OPCML: variants seen among roughly 807,000 people sequenced by gnomAD.
OPCML encodes the protein opioid binding protein/cell adhesion molecule like, also known as opioid-binding protein/cell adhesion molecule.
In OPCML, 13 loss-of-function variants were observed where a neutral mutation model predicts 37.8. The observed-to-expected ratio is 0.34, with a 90% CI of 0.22 to 0.55. OPCML has a LOEUF of 0.55. Ranked by LOEUF, OPCML falls within the 20% of genes least tolerant of loss-of-function variation. The pLI is 0.91. For missense variants in OPCML, 341 were observed against 435.6 expected (o/e 0.78, Z 1.93); for synonymous variants, 176 against 168.8 (o/e 1.04, Z -0.33).
chr11:132,699,211 A>G (rs1943714216), intron 2 of OPCML, among the ~76,000 whole-genome samples: 1 of 152,112 alleles, frequency 6.6e-6, no homozygotes, highest in South Asian at 2.1e-4. Flanking sequence ...TTTTTTATCC[A>G]GTAACTTTAC....
chr11:133,333,438 C>T (rs761428822), intron 1 of OPCML, among the ~76,000 whole-genome samples: 3 of 152,078 alleles, frequency 2.0e-5, no homozygotes, highest in Non-Finnish European at 2.9e-5. Context: ...ACTAGCTAGC[C>T]ATATGCAGAA....
At position 132,688,812 on chromosome 11, in the gene OPCML, C is replaced by T. The variant is rs1421717948; in HGVS notation, c.147-31493G>A. Among the ~76,000 whole-genome samples, 4 of 92,680 alleles carry T rather than the reference C, an allele frequency of 4.3e-5. 1 individual carries two copies. Among genetic ancestry groups the T allele is most frequent in the African/African-American group, 8.9e-5 (2 of 22,482 alleles). 60.8% of individuals were successfully genotyped at this position (92,680 alleles called of 152,430 possible). A position where few individuals can be genotyped will look rare whatever the true frequency, so the allele number is the denominator to read the frequency against. ...AAAAATACAAAAAATTAGCCGGGCG[C>T]GGTGGCGGGCGCCTGTAGTCCCAGC... On this transcript the variant is annotated intron_variant, in intron 2 of 7. Coordinates refer to ENST00000524381, the MANE Select transcript of OPCML (RefSeq NM_001012393.5).
chr11:132,949,566 T>G (rs1456511468), intron 1 of OPCML, among the ~76,000 whole-genome samples: 1 of 152,244 alleles, frequency 6.6e-6, no homozygotes. Context: ...GGACATTATC[T>G]GCCTTATAGT....
intron 2 of OPCML, among the ~76,000 whole-genome samples, chr11:132,727,760 C>T (rs1299637577): frequency 6.6e-6 from 1 of 152,194 alleles, no homozygotes; most frequent in Admixed American, 6.5e-5. Flanking sequence ...ATAAAATATC[C>T]TCCTACAGCC....
chr11:133,242,006 T>C (rs745486758), intron 1 of OPCML, among the ~76,000 whole-genome samples: 4 of 152,236 alleles, frequency 2.6e-5, no homozygotes, highest in Admixed American at 2.0e-4. Flanking sequence ...TCTCTTTGTC[T>C]TGCACACTTA....
chr11:132,576,544 G>T (rs73036890), intron 3 of OPCML, among the ~76,000 whole-genome samples: 3,687 of 152,056 alleles, frequency 0.024, 110 homozygotes, highest in East Asian at 0.055. Flanking sequence ...TTGTTACATT[G>T]ACCTTGGTAA....
At chr11:132,712,694 C>T (rs61208036) in intron 2 of OPCML, among the ~76,000 whole-genome samples, 6,133 of 152,190 alleles carry the variant, frequency 0.04, 255 homozygotes, top group African/African-American at 0.1. Context: ...TCTGAGCTGC[C>T]GCTTCCCACT....
At chr11:132,805,346 TAAG>T (rs150142331) in intron 2 of OPCML, among the ~76,000 whole-genome samples, 6,785 of 152,268 alleles carry the variant, frequency 0.045, 165 homozygotes, top group Middle Eastern at 0.078. Context: ...AATTGGTGCC[TAAG>T]AAGAAGAAGA....
At position 133,274,051 on chromosome 11, in the gene OPCML, T is replaced by C. The variant is rs530786294; in HGVS notation, c.61+258213A>G. Reference sequence around the variant, plus strand: ...ATATATTTATCTATCTAGTTCTATCTATATCTATATCTGTATTCAGCACTA... The same window carrying C: ...ATATATTTATCTATCTAGTTCTATCCATATCTATATCTGTATTCAGCACTA... On this transcript the variant is annotated intron_variant, in intron 1 of 7. Transcript: ENST00000524381. Among the ~76,000 whole-genome samples, 7 of 152,320 alleles carry C rather than the reference T, an allele frequency of 4.6e-5. No individual in the cohort carries two copies. The South Asian group carries it at 1.5e-3, about 32-fold the overall frequency.
chr11:132,695,006 C>G (rs1286993164), intron 2 of OPCML, among the ~76,000 whole-genome samples: 3 of 152,176 alleles, frequency 2.0e-5, no homozygotes, highest in Non-Finnish European at 4.4e-5. Context: ...CTTCAAAGAT[C>G]TTTGTTGAGA....
chr11:133,500,876 G>A (rs1372238412), intron 1 of OPCML, among the ~76,000 whole-genome samples: 1 of 152,142 alleles, frequency 6.6e-6, no homozygotes, highest in South Asian at 2.1e-4. Context: ...AAAGTAGAGA[G>A]GGAGGAGTCT....
chr11:133,054,866 G>A (rs1343649959), intron 1 of OPCML, among the ~76,000 whole-genome samples: 3 of 151,778 alleles, frequency 2.0e-5, no homozygotes, highest in African/African-American at 7.3e-5. Context: ...ACTGTACAAT[G>A]CTGCCTCCAT....
chr11:133,230,730 G>T (rs879477228), intron 1 of OPCML, among the ~76,000 whole-genome samples: 2 of 152,086 alleles, frequency 1.3e-5, no homozygotes, highest in Admixed American at 1.3e-4. Context: ...AGCACCTCAG[G>T]GCCAGCTGGA....
intron 3 of OPCML, among the ~76,000 whole-genome samples, chr11:132,577,948 G>A (rs1324418138): frequency 1.3e-5 from 2 of 152,134 alleles, no homozygotes; most frequent in Non-Finnish European, 2.9e-5. Context: ...GTACATAACA[G>A]GTGATAAAAC....
chr11:132,973,475 G>A (rs1348460825), intron 1 of OPCML, among the ~76,000 whole-genome samples: 2 of 152,136 alleles, frequency 1.3e-5, no homozygotes, highest in African/African-American at 4.8e-5. Flanking sequence ...AAACCAGCTT[G>A]GATTTCATGG....
intron 2 of OPCML, among the ~76,000 whole-genome samples, chr11:132,694,668 G>A (rs1400763564): frequency 6.6e-6 from 1 of 152,160 alleles, no homozygotes; most frequent in African/African-American, 2.4e-5. Context: ...AGCTGTTGAA[G>A]GTGGTGACTG....
chr11:133,143,681 G>A lies in OPCML; in HGVS notation c.62-200671C>T, dbSNP rs146423633. On this transcript the variant is annotated intron_variant, in intron 1 of 7. Coordinates refer to ENST00000524381, the MANE Select transcript of OPCML (RefSeq NM_001012393.5). ...AACTGAGATAAAGGAGGCATGAATC[G>A]GATGATGCCATTTTCCTTGTCGGGT... 2.7e-3 allele frequency among the ~76,000 whole-genome samples: 406 copies of A among 152,286 alleles called. 1 individual carries two copies. The highest frequency in any genetic ancestry group is 0.014 in the Middle Eastern group (4 of 294).
intron 4 of OPCML, among the ~76,000 whole-genome samples, chr11:132,478,494 C>G (rs1348731476): frequency 6.6e-6 from 1 of 152,124 alleles, no homozygotes; most frequent in East Asian, 1.9e-4. Context: ...ATGAGCCCCC[C>G]AAAGAGTCAT....
chr11:133,490,502 G>A (rs536931884), intron 1 of OPCML, among the ~76,000 whole-genome samples: 1 of 152,150 alleles, frequency 6.6e-6, no homozygotes, highest in African/African-American at 2.4e-5. Context: ...TAAAACGAGG[G>A]TCAGGAGTGA....
Sources: gnomAD v4.1 joint callset for allele counts (sites outside exome capture counted in the v4.1 genomes callset) on GRCh38, gnomAD v4.1.1 for gene constraint, MANE v1.5 for transcripts, NCBI Gene and HGNC (gene_info 2026-07-23, HGNC 2026-07-21) for gene names.